The following RBM24 variants were observed in gnomAD, a reference collection of about 807,000 sequenced individuals.
The protein encoded by RBM24 is RNA binding motif protein 24, also known as RNA-binding protein 24.
In RBM24, 5 loss-of-function variants were observed where a neutral mutation model predicts 23.6. The observed-to-expected ratio is 0.21, with a 90% CI of 0.11 to 0.45. RBM24 has a LOEUF of 0.45. RBM24 is among the 20% of genes least tolerant of loss of function. RBM24 has a pLI of 0.99. For missense variants in RBM24, 252 were observed against 314.6 expected, an observed-to-expected ratio of 0.80 and a Z score of 1.51; for synonymous variants, 151 against 129.5, an observed-to-expected ratio of 1.17 and a Z score of -1.13.
chr6:17,282,133 G>C, intron 1 of RBM24: 1 of 1,224,882 alleles, frequency 8.2e-7, no homozygotes, highest in Non-Finnish European at 1.0e-6. Context: ...CGTGTGTTCT[G>C]GTGTTTTGGC....
chr6:17,282,134 G>C, intron 1 of RBM24: 1 of 1,224,886 alleles, frequency 8.2e-7, no homozygotes, highest in South Asian at 1.5e-5. Context: ...GTGTGTTCTG[G>C]TGTTTTGGCT....
chr6:17,281,826 G>A lies in RBM24; in HGVS notation c.168+77G>A. 6.6e-7 allele frequency: 1 copy of A among 1,514,860 alleles called. No individual in the cohort carries two copies. Among genetic ancestry groups the A allele is most frequent in the South Asian group, 1.2e-5 (1 of 82,896 alleles). The allele number at this position is 1,514,860 out of a possible 1,614,324, so 93.8% of individuals were successfully genotyped here. A position where few individuals can be genotyped will look rare whatever the true frequency, so the allele number is the denominator to read the frequency against. ...CCGGGGATCGGGAGCTTGGAGTGAGGGGCTCGGCGTGACCCGTGAGGAGCC... is the reference window on the plus strand; with the variant it reads ...CCGGGGATCGGGAGCTTGGAGTGAGAGGCTCGGCGTGACCCGTGAGGAGCC... On this transcript the variant is annotated intron_variant, in intron 1 of 3. Coordinates refer to ENST00000379052, the MANE Select transcript of RBM24 (RefSeq NM_001143942.2). The surrounding 1 kb of genome is among the most constrained non-coding windows in gnomAD (Gnocchi z 7.1).
Position 17,292,028 on chromosome 6 carries a change from G to A in RBM24, c.620G>A (p.Gly207Glu). ...VQQPITAAAP[G>E]TAAAAAAAAA... Reference sequence around the variant, plus strand: ...CAGCCAATCACCGCAGCGGCACCTGGGACAGCTGCCGCCGCCGCTGCAGCA... The same window carrying A: ...CAGCCAATCACCGCAGCGGCACCTGAGACAGCTGCCGCCGCCGCTGCAGCA... Residue 207 changes from glycine (G) to glutamate (E), a missense_variant, in exon 4 of 4, where the codon GGG (glycine) becomes GAG (glutamate). Transcript: ENST00000379052. The A allele has an allele frequency of 1.9e-6, 3 of 1,600,064 alleles. No individual in the cohort carries two copies. The highest frequency in any genetic ancestry group is 1.1e-5 in the South Asian group (1 of 90,848).
chr6:17,284,951 C>G (rs1485632578), intron 3 of RBM24: 2 of 384,678 alleles, frequency 5.2e-6, no homozygotes, highest in Non-Finnish European at 9.2e-6. Flanking sequence ...CAAAACAAAA[C>G]AAAAATACCA....
At chr6:17,288,947 G>C in intron 3 of RBM24, 1 of 985,426 alleles carries the variant, frequency 1.0e-6, no homozygotes, top group Non-Finnish European at 1.2e-6. Flanking sequence ...CTGTGAGATA[G>C]ATTGGAAAAA....
chr6:17,284,544 T>C, intron 2 of RBM24, 113 bp from the exon 3 acceptor site: 1 of 745,908 alleles, frequency 1.3e-6, no homozygotes, highest in Non-Finnish European at 2.2e-6. Context: ...TTCTTTAAAG[T>C]GGCGAAAGAA....
At chr6:17,282,594 TC>T (rs1203560715) in intron 1 of RBM24, 1 of 545,310 alleles carries the variant, frequency 1.8e-6, no homozygotes, top group Non-Finnish European at 3.1e-6. Flanking sequence ...CTTTCTTTTT[TC>T]CTTCGTCTAC....
At chr6:17,282,306 C>G (rs376295841) in intron 1 of RBM24, 23 of 1,221,902 alleles carry the variant, frequency 1.9e-5, no homozygotes, top group Non-Finnish European at 2.4e-5. Context: ...TTTAAGCGTG[C>G]AAATTCAGCT....
intron 3 of RBM24, 54 bp from the exon 4 acceptor site, chr6:17,291,702 A>G (rs779519355): frequency 1.0e-4 from 157 of 1,541,912 alleles, no homozygotes; most frequent in Non-Finnish European, 1.4e-4. Context: ...TTTGAACAAC[A>G]TGCTACAGTT....
intron 1 of RBM24, chr6:17,282,506 T>G: frequency 2.0e-6 from 1 of 491,266 alleles, no homozygotes; most frequent in Non-Finnish European, 3.7e-6. Context: ...GAATTTAGGC[T>G]TCCAAATCTC....
At chr6:17,283,849 TCATGTAGC>T (rs1182366344) in intron 2 of RBM24, among the ~76,000 whole-genome samples, 1 of 152,212 alleles carries the variant, frequency 6.6e-6, no homozygotes, top group Non-Finnish European at 1.5e-5. Context: ...TTTACTTAAG[TCATGTAGC>T]TATTAGTTGC....
intron 1 of RBM24, chr6:17,282,188 T>C: frequency 7.8e-7 from 1 of 1,283,938 alleles, no homozygotes; most frequent in Non-Finnish European, 1.0e-6. Flanking sequence ...GCTGTTGCCC[T>C]TGTGTCATCC....
intron 2 of RBM24, 135 bp downstream of exon 2, chr6:17,283,063 A>G: frequency 6.2e-6 from 4 of 646,894 alleles, no homozygotes; most frequent in South Asian, 2.0e-5. Flanking sequence ...TTGTTATTCT[A>G]CCAAGGCATT....
At chr6:17,285,344 G>A (rs1760161597) in intron 3 of RBM24, among the ~76,000 whole-genome samples, 1 of 152,096 alleles carries the variant, frequency 6.6e-6, no homozygotes, top group African/African-American at 2.4e-5. Context: ...CTCGGGGAAG[G>A]GGCTCTTTGC....
Position 17,281,938 on chromosome 6 carries a change from C to T in RBM24, c.168+189C>T, listed in dbSNP as rs1479806764. On this transcript the variant is annotated intron_variant, in intron 1 of 3. Coordinates refer to ENST00000379052, the MANE Select transcript of RBM24 (RefSeq NM_001143942.2). The surrounding 1 kb of genome is among the most constrained non-coding windows in gnomAD (Gnocchi z 7.1). Reference sequence around the variant, plus strand: ...GGGTCGGCGCCAGCCTCGCGGGGTTCGGAGAAGACCCAGCGCTGTGCGAGG... The same window carrying T: ...GGGTCGGCGCCAGCCTCGCGGGGTTTGGAGAAGACCCAGCGCTGTGCGAGG... 11 of 1,341,146 alleles carry T rather than the reference C, an allele frequency of 8.2e-6. No homozygotes were observed. The highest frequency in any genetic ancestry group is 2.7e-5 in the East Asian group (1 of 37,528). 83.1% of individuals were successfully genotyped at this position (1,341,146 alleles called of 1,614,324 possible).
chr6:17,292,809 AAC>A lies in RBM24; in HGVS notation c.*698_*699del, dbSNP rs1561739263. 6.6e-6 allele frequency: 1 copy of A among 152,646 alleles called. No individual in the cohort carries two copies. Among genetic ancestry groups the A allele is most frequent in the East Asian group, 1.9e-4 (1 of 5,204 alleles). 9.5% of individuals were successfully genotyped at this position (152,646 alleles called of 1,614,324 possible). A position where few individuals can be genotyped will look rare whatever the true frequency, so the allele number is the denominator to read the frequency against. On this transcript the variant is annotated 3_prime_UTR_variant, in exon 4 of 4. Coordinates refer to ENST00000379052, the MANE Select transcript of RBM24 (RefSeq NM_001143942.2). ...TGCAACAGCTGTACAGACAATCAAT[AAC>A]ACACACAGTTCTGGAAAGAACACAT...
At chr6:17,289,270 C>G (rs1328790328) in intron 3 of RBM24, 1 of 985,254 alleles carries the variant, frequency 1.0e-6, no homozygotes. Flanking sequence ...AACCTTCAGT[C>G]CAATTCTGCC....
chr6:17,282,498 A>C, intron 1 of RBM24: 1 of 480,904 alleles, frequency 2.1e-6, no homozygotes, highest in South Asian at 1.9e-5. Flanking sequence ...AGTTCCAAGA[A>C]TTTAGGCTTC....
At chr6:17,289,044 G>A (rs1426929839) in intron 3 of RBM24, 8 of 985,288 alleles carry the variant, frequency 8.1e-6, no homozygotes, top group Non-Finnish European at 9.6e-6. Context: ...GAAGAGATGG[G>A]AAGAAAAGGA....
Sources: allele counts gnomAD v4.1 joint callset (sites outside exome capture counted in the v4.1 genomes callset), GRCh38; gene constraint gnomAD v4.1.1; non-coding constraint Gnocchi (gnomAD v3.1); transcripts MANE v1.5; gene names NCBI Gene and HGNC (gene_info 2026-07-23, HGNC 2026-07-21).